Variants in CASZ1 observed in about 807,000 individuals in gnomAD.
CASZ1 encodes the protein castor zinc finger 1, also known as zinc finger protein castor homolog 1.
A neutral mutation model predicts 135.2 loss-of-function variants in CASZ1; 28 were observed. The observed-to-expected ratio is 0.21, with a 90% confidence interval of 0.15 to 0.28. CASZ1 has a LOEUF of 0.28. Among genes scored for constraint, CASZ1 ranks in the 10% least tolerant of loss-of-function variants. The probability of loss-of-function intolerance (pLI) is 1.00; values close to 1 mark genes in which losing one functional copy is unlikely to be tolerated. For synonymous variants in CASZ1, 1,068 were observed against 1,073.4 expected, an observed-to-expected ratio of 0.99 and a Z score of 0.10; for missense variants, 2,161 against 2,453.3, an observed-to-expected ratio of 0.88 and a Z score of 2.52.
chr1:10,670,923 A>C (rs1643378574), intron 4 of CASZ1, among the ~76,000 whole-genome samples: 1 of 151,866 alleles, frequency 6.6e-6, no homozygotes, highest in South Asian at 2.1e-4. Context: ...AGCTCCAAAC[A>C]GAAGGGCCTC....
At chr1:10,691,187 C>A (rs1166754168) in intron 4 of CASZ1, among the ~76,000 whole-genome samples, 2 of 151,970 alleles carry the variant, frequency 1.3e-5, no homozygotes, top group Non-Finnish European at 2.9e-5. Flanking sequence ...TTGCATAACC[C>A]AACCCCCTCT....
intron 8 of CASZ1, 133 bp from the exon 9 acceptor site, chr1:10,655,946 GC>G: frequency 1.2e-6 from 1 of 837,574 alleles, no homozygotes; most frequent in Non-Finnish European, 1.9e-6. Context: ...GGTCAAGGCA[GC>G]CCAGATTGTC....
At position 10,646,593 on chromosome 1, in the gene CASZ1, A is replaced by G. The variant is rs548944872; in HGVS notation, c.3498-267T>C. On this transcript the variant is annotated intron_variant, in intron 16 of 20. Transcript: ENST00000377022. The surrounding 1 kb of genome is among the most constrained non-coding windows in gnomAD (Gnocchi z 6.4). Reference sequence around the variant, plus strand: ...CAGAGCATTGCATGCTGGGACAAGTAGTTTCCATGGCCACACCTCAGGATT... The same window carrying G: ...CAGAGCATTGCATGCTGGGACAAGTGGTTTCCATGGCCACACCTCAGGATT... Among the ~76,000 whole-genome samples, 2 of 152,356 alleles carry G rather than the reference A, an allele frequency of 1.3e-5. No individual in the cohort carries two copies. Among genetic ancestry groups the G allele is most frequent in the Non-Finnish European group, 2.9e-5 (2 of 68,034 alleles).
rs528444347 is a variant in CASZ1, at chr1:10,752,774, G to A, written c.-77+7927C>T. 1.3e-4 allele frequency among the ~76,000 whole-genome samples: 20 copies of A among 152,352 alleles called. 1 individual carries two copies. In the South Asian group the frequency reaches 3.7e-3, roughly 28 times the overall value. ...AATACGGCCAGGTGCCGTGGCTCAC[G>A]CCTGTAATTCCAGCACTTTGGGAGG... On this transcript the variant is annotated intron_variant, in intron 2 of 20. Transcript: ENST00000377022.
At chr1:10,645,980 G>A (rs1642352156) in intron 17 of CASZ1, 148 bp downstream of exon 17, 6 of 778,854 alleles carry the variant, frequency 7.7e-6, no homozygotes, top group Non-Finnish European at 1.1e-5. Context: ...GGCAGATGGT[G>A]CTCTTTCCAG....
Position 10,647,976 on chromosome 1 carries a change from C to A in CASZ1, c.3322G>T (p.Ala1108Ser). The stretch of plus-strand genomic sequence containing the variant: ...AGGGTGGGGGTGGAGGGCACGGAGG[C>A]CGGGCTGGGAGCGGGCCCCTCCAGA... ...SSLEGPAPSP[A>S]SVPSTPTLLA... The change falls in exon 16 of 21, where the codon GCC becomes TCC. Residue 1108 changes from alanine to serine, a missense_variant. Physicochemically the swap from Ala to Ser is moderately conservative, Grantham distance 99. Transcript: ENST00000377022. This position sits in a 1 kb window ranked among gnomAD's most constrained non-coding sequence, Gnocchi z 4.9. 1.2e-6 allele frequency: 2 copies of A among 1,608,192 alleles called. No homozygotes were observed. Among genetic ancestry groups the A allele is most frequent in the Non-Finnish European group, 1.7e-6 (2 of 1,176,866 alleles).
intron 7 of CASZ1, among the ~76,000 whole-genome samples, 192 bp from the exon 8 acceptor site, chr1:10,656,928 C>T (rs969214153): frequency 2.6e-5 from 4 of 152,148 alleles, no homozygotes; most frequent in African/African-American, 9.7e-5. Flanking sequence ...GGCCTGGCCC[C>T]AAGAAAGGGG....
At chr1:10,787,771 C>A (rs1267212412) in intron 1 of CASZ1, among the ~76,000 whole-genome samples, 1 of 152,050 alleles carries the variant, frequency 6.6e-6, no homozygotes, top group East Asian at 1.9e-4. Context: ...TGCAATTTGG[C>A]CATTACTGCT....
intron 2 of CASZ1, among the ~76,000 whole-genome samples, chr1:10,733,675 T>C (rs1344330706): frequency 2.0e-5 from 3 of 152,108 alleles, no homozygotes; most frequent in Admixed American, 6.6e-5. Flanking sequence ...TGGAAGGCTT[T>C]TGGGAGGAGG....
chr1:10,639,778 C>A lies in CASZ1; in HGVS notation c.4444G>T (p.Asp1482Tyr). 6.2e-7 allele frequency: 1 copy of A among 1,602,922 alleles called. No individual in the cohort carries two copies. Among genetic ancestry groups the A allele is most frequent in the South Asian group, 1.1e-5 (1 of 89,464 alleles). Residue 1482 changes from aspartate (D) to tyrosine (Y), a missense_variant, in exon 21 of 21, where the codon GAC becomes TAC. Physicochemically the swap from Asp to Tyr is radical, Grantham distance 160. Around this residue, in one of 7 missense-constraint regions of CASZ1, gnomAD observed 240 missense variants for 321.4 expected, o/e 0.75. Transcript: ENST00000377022. This position sits in a 1 kb window ranked among gnomAD's most constrained non-coding sequence, Gnocchi z 4.0. ...THMYKHAQHH[D>Y]RVDNLVLDDF... ...TCCAGCACCAGGTTGTCCACGCGGT[C>A]GTGGTGCTGCGCGTGCTTGTACATG...
rs187044852 is a variant in CASZ1, at chr1:10,755,186, C to T, written c.-77+5515G>A. 2.0e-5 allele frequency among the ~76,000 whole-genome samples: 3 copies of T among 152,322 alleles called. No individual in the cohort carries two copies. The highest frequency in any genetic ancestry group is 4.8e-5 in the African/African-American group (2 of 41,574). On this transcript the variant is annotated intron_variant, in intron 2 of 20. Transcript: ENST00000377022. This position sits in a 1 kb window ranked among gnomAD's most constrained non-coding sequence, Gnocchi z 4.3. ...AGGTGGGCAGCAAGGGGATCACTGG[C>T]CGCCTCATGCCTCAGGGTGGTGGCT...
intron 1 of CASZ1, among the ~76,000 whole-genome samples, chr1:10,766,157 G>A (rs776436054): frequency 2.6e-5 from 4 of 151,978 alleles, no homozygotes; most frequent in African/African-American, 4.8e-5. Flanking sequence ...AATACCGTGC[G>A]GAGGGTCAGA....
chr1:10,731,216 G>A (rs1392796386), intron 2 of CASZ1, among the ~76,000 whole-genome samples: 1 of 152,088 alleles, frequency 6.6e-6, no homozygotes, highest in East Asian at 1.9e-4. Context: ...CTCACATCAG[G>A]GAATGAGTCA....
intron 2 of CASZ1, among the ~76,000 whole-genome samples, chr1:10,722,592 C>A (rs1639519917): frequency 6.6e-6 from 1 of 152,248 alleles, no homozygotes; most frequent in African/African-American, 2.4e-5. Context: ...AAACTGGGTG[C>A]TGGGAGCCCA....
chr1:10,649,484 C>T, intron 13 of CASZ1, 47 bp from the exon 14 acceptor site: 2 of 1,550,524 alleles, frequency 1.3e-6, no homozygotes, highest in Non-Finnish European at 1.7e-6. Flanking sequence ...GCTTAGAACA[C>T]AGACACGGCA....
chr1:10,639,655 G>C lies in CASZ1; in HGVS notation c.4567C>G (p.Arg1523Gly), dbSNP rs1231982093. The change falls in exon 21 of 21, where the codon CGC (arginine) becomes GGC (glycine). Residue 1523 changes from arginine (R) to glycine (G), a missense_variant. Transcript: ENST00000377022. This position sits in a 1 kb window ranked among gnomAD's most constrained non-coding sequence, Gnocchi z 4.0. ...GTGACCTTGGTGCTGTCGGTGCAGC[G>C]GAAGCGGCAGCGCAGGCAGTGGAAG... The part of the protein sequence containing the change: ...THFHCLRCRF[R>G]CTDSTKVTAH... The C allele has an allele frequency of 6.2e-7, 1 of 1,604,484 alleles. No homozygotes were observed. Among genetic ancestry groups the C allele is most frequent in the Non-Finnish European group, 8.5e-7 (1 of 1,177,460 alleles).
In CASZ1 at chr1:10,794,533, C is replaced by A. The variant is rs1641027343; in HGVS notation, c.-234+2031G>T. On this transcript the variant is annotated intron_variant, in intron 1 of 20. Transcript: ENST00000377022. The surrounding 1 kb of genome is among the most constrained non-coding windows in gnomAD (Gnocchi z 5.6). ...CTGCCGCTTTTCCGGTGGGCACGCACCCGCACCCGCACCGTAGCCAGCGTG... is the reference window on the plus strand; with the variant it reads ...CTGCCGCTTTTCCGGTGGGCACGCAACCGCACCCGCACCGTAGCCAGCGTG... Among the ~76,000 whole-genome samples the A allele has an allele frequency of 6.6e-6, 1 of 152,094 alleles. No individual in the cohort carries two copies. Among genetic ancestry groups the A allele is most frequent in the Non-Finnish European group, 1.5e-5 (1 of 68,018 alleles).
chr1:10,750,026 G>A (rs1315676274), intron 2 of CASZ1, among the ~76,000 whole-genome samples: 2 of 152,166 alleles, frequency 1.3e-5, no homozygotes, highest in East Asian at 1.9e-4. Context: ...CTGGACAGCC[G>A]GCCTGTGTGC....
intron 2 of CASZ1, among the ~76,000 whole-genome samples, chr1:10,731,050 G>A (rs1639694365): frequency 6.6e-6 from 1 of 151,900 alleles, no homozygotes; most frequent in Admixed American, 6.6e-5. Context: ...AAGTTGCAGT[G>A]AGCCAACATT....
Sources: allele counts gnomAD v4.1 joint callset (sites outside exome capture counted in the v4.1 genomes callset), GRCh38; gene constraint gnomAD v4.1.1; regional missense constraint gnomAD v4.1.1; non-coding constraint Gnocchi (gnomAD v3.1); transcripts MANE v1.5; gene names NCBI Gene and HGNC (gene_info 2026-07-23, HGNC 2026-07-21).